Variants in RASSF8 observed in about 807,000 individuals in gnomAD.
The protein encoded by RASSF8 is ras association domain-containing protein 8.
RASSF8 carries 22 observed loss-of-function variants against 48.5 expected under a neutral mutation model. The observed-to-expected ratio is 0.45, with a 90% CI of 0.32 to 0.65. The LOEUF (loss-of-function observed/expected upper bound fraction) is 0.65. Ranked by LOEUF, RASSF8 falls within the 30% of genes least tolerant of loss-of-function variation. RASSF8 has a pLI of 0.03. For missense variants in RASSF8, 418 were observed against 489.2 expected, an observed-to-expected ratio of 0.85 and a Z score of 1.37; for synonymous variants, 127 against 171.5, an observed-to-expected ratio of 0.74 and a Z score of 2.03.
chr12:26,019,635 A>G (rs541541297), intron 2 of RASSF8, among the ~76,000 whole-genome samples: 2 of 151,872 alleles, frequency 1.3e-5, no homozygotes, highest in South Asian at 2.1e-4. Flanking sequence ...AACTAAATTG[A>G]CTTAAAAGAA....
chr12:25,995,956 G>T (rs746331619), intron 2 of RASSF8, among the ~76,000 whole-genome samples: 1 of 152,104 alleles, frequency 6.6e-6, no homozygotes, highest in Non-Finnish European at 1.5e-5. Context: ...GATCTCGAAG[G>T]TCTCACATAA....
chr12:25,966,234 A>T (rs1266553233), intron 1 of RASSF8, among the ~76,000 whole-genome samples: 2 of 152,132 alleles, frequency 1.3e-5, no homozygotes, highest in African/African-American at 4.8e-5. Flanking sequence ...GTGGTATTTT[A>T]TTGTGGGTTT....
At position 26,072,832 on chromosome 12, in the gene RASSF8, T is replaced by G. The variant is rs1056434806; in HGVS notation, c.*4014T>G. 6 of 909,444 alleles carry G rather than the reference T, an allele frequency of 6.6e-6. No homozygotes were observed. The Admixed American group carries it at 3.1e-4, about 47-fold the overall frequency. The allele number at this position is 909,444 out of a possible 1,614,324, so 56.3% of individuals were successfully genotyped here. A position where few individuals can be genotyped will look rare whatever the true frequency, so the allele number is the denominator to read the frequency against. Reference sequence around the variant, plus strand: ...TAAAACAAAGAATCAATATTGGATATTCTCCCAAATAATAAATTTTCAGGA... The same window carrying G: ...TAAAACAAAGAATCAATATTGGATAGTCTCCCAAATAATAAATTTTCAGGA... On this transcript the variant is annotated 3_prime_UTR_variant, in exon 6 of 6. Transcript: ENST00000689635.
intron 2 of RASSF8, among the ~76,000 whole-genome samples, chr12:26,041,287 ATT>A (rs921315406): frequency 1.3e-5 from 2 of 151,926 alleles, no homozygotes; most frequent in Non-Finnish European, 2.9e-5. Flanking sequence ...GTTTTTGAGG[ATT>A]TCTTATGTTT....
At chr12:25,988,967 A>T (rs1488394388) in intron 1 of RASSF8, among the ~76,000 whole-genome samples, 1 of 152,068 alleles carries the variant, frequency 6.6e-6, no homozygotes, top group Admixed American at 6.5e-5. Context: ...AGCTTTTTGA[A>T]TTTTTCTTGA....
chr12:26,031,379 G>A (rs1943027276), intron 2 of RASSF8, among the ~76,000 whole-genome samples: 1 of 151,820 alleles, frequency 6.6e-6, no homozygotes, highest in African/African-American at 2.4e-5. Flanking sequence ...TTGGCTCATC[G>A]TTACACGTGA....
At chr12:26,054,353 T>C (rs1465500169) in intron 2 of RASSF8, among the ~76,000 whole-genome samples, 1 of 152,226 alleles carries the variant, frequency 6.6e-6, no homozygotes, top group Non-Finnish European at 1.5e-5. Context: ...AATTTCTGCT[T>C]TGCTTATAAT....
At chr12:25,975,545 G>C (rs1208971751) in intron 1 of RASSF8, among the ~76,000 whole-genome samples, 1 of 152,142 alleles carries the variant, frequency 6.6e-6, no homozygotes, top group African/African-American at 2.4e-5. Context: ...TGAGATTGCT[G>C]TGTTTATATT....
intron 5 of RASSF8, 84 bp downstream of exon 5, chr12:26,067,797 C>A: frequency 6.5e-7 from 1 of 1,536,186 alleles, no homozygotes; most frequent in Non-Finnish European, 8.9e-7. Context: ...GATAGTATCA[C>A]TGTATCGCCC....
intron 1 of RASSF8, among the ~76,000 whole-genome samples, chr12:25,994,275 TTTTAA>T (rs927251018): frequency 9.4e-4 from 24 of 25,630 alleles, no homozygotes; most frequent in Middle Eastern, 0.014. Flanking sequence ...CTGGATAGAT[TTTTAA>T]AAAAAAAAAA....
At chr12:26,025,035 G>GTTGA in intron 2 of RASSF8, among the ~76,000 whole-genome samples, 1 of 152,196 alleles carries the variant, frequency 6.6e-6, no homozygotes, top group Admixed American at 6.5e-5. Context: ...AATAAAAAAA[G>GTTGA]CATTTGACAA....
intron 2 of RASSF8, among the ~76,000 whole-genome samples, chr12:26,014,962 T>G (rs1293849805): frequency 1.3e-5 from 2 of 151,966 alleles, no homozygotes; most frequent in Admixed American, 6.6e-5. Context: ...TCCCAGCACT[T>G]TGGGAGGCCA....
rs1472334963 is a variant in RASSF8, at chr12:26,069,967, T to A, written c.*1149T>A. On this transcript the variant is annotated 3_prime_UTR_variant, in exon 6 of 6. Transcript: ENST00000689635. ...GACTTTTACAAGACATTAATCTCCA[T>A]TTGTACATATGTTATTTTATTTGTA... is the stretch of plus-strand genomic sequence containing the variant. 2.1e-6 allele frequency: 2 copies of A among 974,578 alleles called. No individual in the cohort carries two copies. The highest frequency in any genetic ancestry group is 5.2e-4 in the Middle Eastern group (1 of 1,916). The allele number at this position is 974,578 out of a possible 1,614,324, so 60.4% of individuals were successfully genotyped here. A position where few individuals can be genotyped will look rare whatever the true frequency, so the allele number is the denominator to read the frequency against.
intron 1 of RASSF8, among the ~76,000 whole-genome samples, chr12:25,976,538 C>T (rs1437050395): frequency 1.3e-5 from 2 of 152,194 alleles, no homozygotes; most frequent in African/African-American, 4.8e-5. Flanking sequence ...TGTGGGCTAC[C>T]ACTTCGGTTA....
chr12:26,056,895 G>A (rs1406645214), intron 3 of RASSF8, among the ~76,000 whole-genome samples: 1 of 151,970 alleles, frequency 6.6e-6, no homozygotes. Context: ...ACTATTAAGA[G>A]CTTCACTTAA....
intron 2 of RASSF8, among the ~76,000 whole-genome samples, chr12:25,996,561 ATGAGTT>A (rs1942138595): frequency 6.6e-6 from 1 of 152,128 alleles, no homozygotes; most frequent in African/African-American, 2.4e-5. Flanking sequence ...TGGGGATTGT[ATGAGTT>A]TGATTGATTG....
At chr12:25,978,599 G>T (rs1941664691) in intron 1 of RASSF8, among the ~76,000 whole-genome samples, 1 of 152,090 alleles carries the variant, frequency 6.6e-6, no homozygotes, top group Admixed American at 6.6e-5. Context: ...AACTCTTTGG[G>T]ACTCAGGGCT....
intron 1 of RASSF8, among the ~76,000 whole-genome samples, chr12:25,974,370 G>C (rs906480629): frequency 6.6e-6 from 1 of 152,086 alleles, no homozygotes; most frequent in African/African-American, 2.4e-5. Context: ...TTAAATGTGA[G>C]CAATGTGGAA....
chr12:26,073,762 C>T (rs1166280485), downstream of RASSF8, among the ~76,000 whole-genome samples: 6 of 136,298 alleles, frequency 4.4e-5, no homozygotes, highest in African/African-American at 1.7e-4. Flanking sequence ...CACACACACA[C>T]ACACACACAC....
Sources: gnomAD v4.1 joint callset for allele counts (sites outside exome capture counted in the v4.1 genomes callset) on GRCh38, gnomAD v4.1.1 for gene constraint, MANE v1.5 for transcripts, NCBI Gene and HGNC (gene_info 2026-07-23, HGNC 2026-07-21) for gene names.